NEIL1: variants seen among roughly 807,000 people sequenced by gnomAD.
NEIL1 encodes nei like DNA glycosylase 1.
Under a neutral mutation model 44.2 loss-of-function variants are expected in NEIL1, and 31 were observed. The ratio of observed to expected loss-of-function variants is 0.70; its 90% CI spans 0.53 to 0.95. The LOEUF (loss-of-function observed/expected upper bound fraction) is 0.95, where lower values mean the gene tolerates loss of function less well. Ranked by LOEUF, NEIL1 falls within the 40% of genes least tolerant of loss-of-function variation. The pLI is 0.00. For missense variants in NEIL1, 549 were observed against 515.5 expected (o/e 1.07, Z -0.63); for synonymous variants, 254 against 209.7 (o/e 1.21, Z -1.83).
chr15:75,356,544 C>G lies in NEIL1; in HGVS notation c.*1510C>G. 6.5e-7 allele frequency: 1 copy of G among 1,550,020 alleles called. No individual in the cohort carries two copies. The highest frequency in any genetic ancestry group is 8.7e-7 in the Non-Finnish European group (1 of 1,145,296). On this transcript the variant is annotated 3_prime_UTR_variant, in exon 10 of 10. Coordinates refer to ENST00000355059, the MANE Select transcript of NEIL1 (RefSeq NM_024608.4). This position sits in a 1 kb window ranked among gnomAD's most constrained non-coding sequence, Gnocchi z 5.8. ...GGAAGCCAGGTTGCTGGGGTTTGGG[C>G]TCAGGGAAGGGCAGAGAGGTGTCTA...
chr15:75,356,850 AGGGCCAGCCCAAAGCC>A lies in NEIL1; in HGVS notation c.*1818_*1833del. The A allele has an allele frequency of 6.2e-7, 1 of 1,614,128 alleles. No homozygotes were observed. Among genetic ancestry groups the A allele is most frequent in the Non-Finnish European group, 8.5e-7 (1 of 1,180,040 alleles). On this transcript the variant is annotated 3_prime_UTR_variant, in exon 10 of 10. Coordinates refer to ENST00000355059, the MANE Select transcript of NEIL1 (RefSeq NM_024608.4). The surrounding 1 kb of genome is among the most constrained non-coding windows in gnomAD (Gnocchi z 5.8). ...CGCGCCATACTTGCAGTCGTTGAGCAGGGCCAGCCCAAAGCCGTGTTCTGACAGATCCATCCAGCGA... is the reference window on the plus strand; with the variant it reads ...CGCGCCATACTTGCAGTCGTTGAGCAGTGTTCTGACAGATCCATCCAGCGA...
chr15:75,356,053 T>C lies in NEIL1; in HGVS notation c.*1019T>C. The C allele has an allele frequency of 6.2e-7, 1 of 1,613,718 alleles. No homozygotes were observed. The highest frequency in any genetic ancestry group is 2.2e-5 in the East Asian group (1 of 44,846). ...CGCAGCTGGAGAACAGGAGGGGCCATGAAGGCTCTGCGAGGGCGAGACTCG... is the reference window on the plus strand; with the variant it reads ...CGCAGCTGGAGAACAGGAGGGGCCACGAAGGCTCTGCGAGGGCGAGACTCG... On this transcript the variant is annotated 3_prime_UTR_variant, in exon 10 of 10. Coordinates refer to ENST00000355059, the MANE Select transcript of NEIL1 (RefSeq NM_024608.4). This position sits in a 1 kb window ranked among gnomAD's most constrained non-coding sequence, Gnocchi z 5.8.
rs760405944 is a variant in NEIL1, at chr15:75,356,394, CAG to C, written c.*1361_*1362del. On this transcript the variant is annotated 3_prime_UTR_variant, in exon 10 of 10. Transcript: ENST00000355059. This position sits in a 1 kb window ranked among gnomAD's most constrained non-coding sequence, Gnocchi z 5.8. ...CTGGGCTGGGGGCTGGCAGAGCCAA[CAG>C]GGGGAAGTTTAGGCTGTAGGCAGCT... 152 of 1,610,932 alleles carry C rather than the reference CAG, an allele frequency of 9.4e-5. No homozygotes were observed. The highest frequency in any genetic ancestry group is 3.9e-4 in the Admixed American group (23 of 59,484).
chr15:75,354,198 C>T (rs1301269066), intron 6 of NEIL1, 52 bp from the exon 7 acceptor site: 18 of 1,604,982 alleles, frequency 1.1e-5, no homozygotes, highest in Admixed American at 1.7e-5. Context: ...CAAGGAATAC[C>T]GCCCCTGTGC....
intron 1 of NEIL1, chr15:75,348,590 G>A: frequency 7.9e-7 from 1 of 1,273,588 alleles, no homozygotes; most frequent in South Asian, 2.0e-5. Context: ...TGCAGCCGCG[G>A]CCCCGCAAGG....
At position 75,356,752 on chromosome 15, in the gene NEIL1, T is replaced by C. The variant is rs760862160; in HGVS notation, c.*1718T>C. On this transcript the variant is annotated 3_prime_UTR_variant, in exon 10 of 10. Coordinates refer to ENST00000355059, the MANE Select transcript of NEIL1 (RefSeq NM_024608.4). This position sits in a 1 kb window ranked among gnomAD's most constrained non-coding sequence, Gnocchi z 5.8. Reference sequence around the variant, plus strand: ...GGAGTTGTGGTCGGGAAGACCCATTTCTCCATGCCAGCTCCCAGGCCTGGT... The same window carrying C: ...GGAGTTGTGGTCGGGAAGACCCATTCCTCCATGCCAGCTCCCAGGCCTGGT... The C allele has an allele frequency of 6.2e-7, 1 of 1,612,794 alleles. No homozygotes were observed. The highest frequency in any genetic ancestry group is 1.1e-5 in the South Asian group (1 of 91,046).
Position 75,352,169 on chromosome 15 carries a change from C to T in NEIL1, c.493C>T (p.Leu165Phe). The change falls in exon 3 of 10, where the codon CTC becomes TTC. Residue 165 changes from leucine (L) to phenylalanine (F), a missense_variant. Transcript: ENST00000355059. Reference sequence around the variant, plus strand: ...CTTTGACCGGCCCATCTGCGAGGCCCTCCTGGACCAGAGGTTCTTCAATGG... The same window carrying T: ...CTTTGACCGGCCCATCTGCGAGGCCTTCCTGGACCAGAGGTTCTTCAATGG... ...KAFDRPICEA[L>F]LDQRFFNGIG... 6.2e-7 allele frequency: 1 copy of T among 1,614,202 alleles called. No homozygotes were observed. Among genetic ancestry groups the T allele is most frequent in the Non-Finnish European group, 8.5e-7 (1 of 1,180,026 alleles).
intron 2 of NEIL1, 123 bp downstream of exon 2, chr15:75,349,462 G>T: frequency 2.1e-6 from 2 of 936,248 alleles, no homozygotes; most frequent in Non-Finnish European, 1.6e-6. Flanking sequence ...CTCATCTGCA[G>T]ATCAAGACAG....
chr15:75,352,337 C>A lies in NEIL1; in HGVS notation c.568C>A (p.Pro190Thr), dbSNP rs576317666. The change falls in exon 4 of 10, where the codon CCC becomes ACC. Residue 190 changes from proline (P) to threonine (T), a missense_variant. Coordinates refer to ENST00000355059, the MANE Select transcript of NEIL1 (RefSeq NM_024608.4). ...AEILYRLKIPPFEKARSVLEA... is the reference protein window; with the variant it reads ...AEILYRLKIPTFEKARSVLEA... ...CCCCCACTACAGGCTGAAGATCCCCCCCTTTGAGAAGGCCCGCTCGGTCCT... is the reference window on the plus strand; with the variant it reads ...CCCCCACTACAGGCTGAAGATCCCCACCTTTGAGAAGGCCCGCTCGGTCCT... 14 of 1,614,186 alleles carry A rather than the reference C, an allele frequency of 8.7e-6. No homozygotes were observed. The African/African-American group carries it at 1.2e-4, about 14-fold the overall frequency.
chr15:75,355,619 G>T lies in NEIL1; in HGVS notation c.*585G>T. 2.6e-6 allele frequency: 1 copy of T among 377,428 alleles called. No individual in the cohort carries two copies. The allele number at this position is 377,428 out of a possible 1,614,324, so 23.4% of individuals were successfully genotyped here. A position where few individuals can be genotyped will look rare whatever the true frequency, so the allele number is the denominator to read the frequency against. On this transcript the variant is annotated 3_prime_UTR_variant, in exon 10 of 10. Transcript: ENST00000355059. The stretch of plus-strand genomic sequence containing the variant: ...ACTCATGGTCTCTTCACTGGCTTTT[G>T]GTGGCTCGAGGTCCCCAGTCTCTCC...
Position 75,347,788 on chromosome 15 carries a change from G to A in NEIL1, c.-23+315G>A, listed in dbSNP as rs146498035. ...TAACCGAGGACAGGGTCGCAGCGGG[G>A]GCATGGGGAGGACGGGCCCGAGAGC... On this transcript the variant is annotated intron_variant, in intron 1 of 9. Transcript: ENST00000355059. 0.019 allele frequency: 21,899 copies of A among 1,125,662 alleles called. 243 individuals are homozygous for A. The highest frequency in any genetic ancestry group is 0.022 in the Non-Finnish European group (20,067 of 896,836). 69.7% of individuals were successfully genotyped at this position (1,125,662 alleles called of 1,614,324 possible). A position where few individuals can be genotyped will look rare whatever the true frequency, so the allele number is the denominator to read the frequency against.
In NEIL1 at chr15:75,355,297, T is replaced by A; in HGVS notation, c.*263T>A. 2.2e-6 allele frequency: 1 copy of A among 444,844 alleles called. No individual in the cohort carries two copies. Among genetic ancestry groups the A allele is most frequent in the Non-Finnish European group, 4.1e-6 (1 of 245,520 alleles). 27.6% of individuals were successfully genotyped at this position (444,844 alleles called of 1,614,324 possible). Reference sequence around the variant, plus strand: ...ATGGCCAGGTAGGAAGGGCCTGCTGTCCGGTCCTGGTGACAGAAGGCCCAG... The same window carrying A: ...ATGGCCAGGTAGGAAGGGCCTGCTGACCGGTCCTGGTGACAGAAGGCCCAG... On this transcript the variant is annotated 3_prime_UTR_variant, in exon 10 of 10. Coordinates refer to ENST00000355059, the MANE Select transcript of NEIL1 (RefSeq NM_024608.4).
intron 6 of NEIL1, 97 bp downstream of exon 6, chr15:75,353,963 C>T: frequency 6.8e-7 from 1 of 1,477,126 alleles, no homozygotes; most frequent in East Asian, 2.3e-5. Flanking sequence ...CAGGGTCTGT[C>T]TAGACCCTCC....
Position 75,352,708 on chromosome 15 carries a change from C to A in NEIL1, c.718+7C>A. Reference sequence around the variant, plus strand: ...AAGGAAGTGGTCCAGTTGGGTGAGGCCAAAGATGGCAGCAACCTCTGCTTC... The same window carrying A: ...AAGGAAGTGGTCCAGTTGGGTGAGGACAAAGATGGCAGCAACCTCTGCTTC... On this transcript the variant is annotated splice_region_variant and intron_variant, in intron 5 of 9. Coordinates refer to ENST00000355059, the MANE Select transcript of NEIL1 (RefSeq NM_024608.4). 1 of 1,603,380 alleles carries A rather than the reference C, an allele frequency of 6.2e-7. No individual in the cohort carries two copies. The highest frequency in any genetic ancestry group is 8.5e-7 in the Non-Finnish European group (1 of 1,173,774).
In NEIL1 at chr15:75,356,802, C is replaced by T. The variant is rs2072324933; in HGVS notation, c.*1768C>T. 2 of 1,613,964 alleles carry T rather than the reference C, an allele frequency of 1.2e-6. No individual in the cohort carries two copies. The highest frequency in any genetic ancestry group is 1.3e-5 in the African/African-American group (1 of 74,954). On this transcript the variant is annotated 3_prime_UTR_variant, in exon 10 of 10. Transcript: ENST00000355059. This position sits in a 1 kb window ranked among gnomAD's most constrained non-coding sequence, Gnocchi z 5.8. ...TGGGTACCCCACTTACAGCGAGAGG[C>T]TGAGGATGCTGCCTCGCACTGACGC...
chr15:75,348,855 GCTCAACCCGCTGCC>G lies in NEIL1; in HGVS notation c.-22-28_-22-15del, dbSNP rs772658460. 7.5e-6 allele frequency: 12 copies of G among 1,590,600 alleles called. No individual in the cohort carries two copies. The East Asian group carries it at 2.7e-4, about 36-fold the overall frequency. On this transcript the variant is annotated splice_polypyrimidine_tract_variant and intron_variant, in intron 1 of 9. Coordinates refer to ENST00000355059, the MANE Select transcript of NEIL1 (RefSeq NM_024608.4). Reference sequence around the variant, plus strand: ...CGCTACCTCACAAAGTCCACACCGGGCTCAACCCGCTGCCTTCCTCCCCAACAGGACTCTGCCAC... The same window carrying G: ...CGCTACCTCACAAAGTCCACACCGGGTTCCTCCCCAACAGGACTCTGCCAC...
intron 5 of NEIL1, 40 bp from the exon 6 acceptor site, chr15:75,353,699 A>G: frequency 2.5e-6 from 4 of 1,613,086 alleles, no homozygotes; most frequent in Non-Finnish European, 3.4e-6. Context: ...TCCCAACCTG[A>G]GCCTGCCCTC....
intron 5 of NEIL1, chr15:75,353,480 C>T (rs1209660770): frequency 9.6e-6 from 5 of 521,680 alleles, no homozygotes; most frequent in Middle Eastern, 5.4e-4. Context: ...CCCATCTAAG[C>T]TTCCCAAAGT....
chr15:75,349,666 T>G, intron 2 of NEIL1: 1 of 258,654 alleles, frequency 3.9e-6, no homozygotes, highest in Non-Finnish European at 7.5e-6. Flanking sequence ...ATACAAAAAT[T>G]AGCCGGGCAT....
Sources: allele counts gnomAD v4.1 joint callset, GRCh38; gene constraint gnomAD v4.1.1; non-coding constraint Gnocchi (gnomAD v3.1); transcripts MANE v1.5; gene names NCBI Gene and HGNC (gene_info 2026-07-23, HGNC 2026-07-21).